Variants in ITM2B observed in about 807,000 individuals in gnomAD.
ITM2B encodes the protein integral membrane protein 2B.
In ITM2B, 11 loss-of-function variants were observed where a neutral mutation model predicts 27.8. The observed-to-expected ratio is 0.40, with a 90% CI of 0.25 to 0.66. ITM2B has a LOEUF of 0.66. ITM2B is among the 30% of genes least tolerant of loss of function. ITM2B has a pLI of 0.43. For missense variants in ITM2B, 296 were observed against 328.9 expected, an observed-to-expected ratio of 0.90 and a Z score of 0.77; for synonymous variants, 114 against 114.3, an observed-to-expected ratio of 1.00 and a Z score of 0.02.
rs1161260692 is a variant in ITM2B, at chr13:48,262,298, A to G, written c.*1074A>G. The G allele has an allele frequency of 6.6e-6, 1 of 152,152 alleles. No homozygotes were observed. Among genetic ancestry groups the G allele is most frequent in the Non-Finnish European group, 1.5e-5 (1 of 68,018 alleles). 9.4% of individuals were successfully genotyped at this position (152,152 alleles called of 1,614,324 possible). On this transcript the variant is annotated 3_prime_UTR_variant, in exon 6 of 6. Coordinates refer to ENST00000647800, the MANE Select transcript of ITM2B (RefSeq NM_021999.5). Reference sequence around the variant, plus strand: ...AATTCAGAATCCACCCCCATTTAATAAAATACCTATGATTCATTTCACCTC... The same window carrying G: ...AATTCAGAATCCACCCCCATTTAATGAAATACCTATGATTCATTTCACCTC...
Position 48,268,309 on chromosome 13 carries a change from T to A in ITM2B, c.*7085T>A, listed in dbSNP as rs533343010. ...GTGCTTTTTAAATTTATTTTTTATT[T>A]TTTTTTTTTTGAGACAGAGTCTGGC... On this transcript the variant is annotated 3_prime_UTR_variant, in exon 6 of 6. Transcript: ENST00000647800. 2.0e-5 allele frequency: 3 copies of A among 151,518 alleles called. No homozygotes were observed. The highest frequency in any genetic ancestry group is 4.4e-5 in the Non-Finnish European group (3 of 67,846). The allele number at this position is 151,518 out of a possible 1,614,324, so 9.4% of individuals were successfully genotyped here.
At position 48,258,844 on chromosome 13, in the gene ITM2B, T is replaced by G. The variant is rs1310779909; in HGVS notation, c.612T>G (p.Val204=). 1 of 1,613,790 alleles carries G rather than the reference T, an allele frequency of 6.2e-7. No homozygotes were observed. Among genetic ancestry groups the G allele is most frequent in the Non-Finnish European group, 8.5e-7 (1 of 1,179,678 alleles). ...PQSYLIHEHM[V]ITDRIENIDH... is the part of the protein sequence containing the mutation. ...CCTATCTGATTCATGAGCACATGGT[T>G]ATTACTGATCGCATTGAAAACATTG... The change falls in exon 5 of 6, where the codon GTT becomes GTG. Residue 204 remains valine, a synonymous_variant. Transcript: ENST00000647800.
intron 1 of ITM2B, among the ~76,000 whole-genome samples, chr13:48,244,827 T>A (rs1951716161): frequency 6.6e-6 from 1 of 152,208 alleles, no homozygotes; most frequent in Non-Finnish European, 1.5e-5. Context: ...GGTAACAATG[T>A]GGAGTTTCAT....
intron 1 of ITM2B, among the ~76,000 whole-genome samples, chr13:48,243,399 A>C (rs956450057): frequency 1.3e-5 from 2 of 152,206 alleles, no homozygotes; most frequent in Admixed American, 6.5e-5. Flanking sequence ...ATCCTTTGTA[A>C]TTTGTTGAAC....
intron 1 of ITM2B, among the ~76,000 whole-genome samples, chr13:48,252,592 C>T (rs1951761569): frequency 1.3e-5 from 2 of 152,208 alleles, no homozygotes; most frequent in Non-Finnish European, 2.9e-5. Context: ...AAATTGTCTT[C>T]CACAAAACTG....
At chr13:48,246,920 C>T (rs1378754366) in intron 1 of ITM2B, among the ~76,000 whole-genome samples, 1 of 152,214 alleles carries the variant, frequency 6.6e-6, no homozygotes, top group Non-Finnish European at 1.5e-5. Flanking sequence ...CCTCCGCCTC[C>T]TGGGTTCAAG....
intron 4 of ITM2B, 101 bp downstream of exon 4, chr13:48,258,337 T>C: frequency 1.3e-6 from 1 of 750,526 alleles, no homozygotes; most frequent in East Asian, 2.5e-5. Context: ...TATCAGACTG[T>C]AGTTAAGAAT....
At chr13:48,251,988 A>G (rs965788729) in intron 1 of ITM2B, among the ~76,000 whole-genome samples, 1 of 152,204 alleles carries the variant, frequency 6.6e-6, no homozygotes, top group African/African-American at 2.4e-5. Flanking sequence ...CTCATTACAT[A>G]CTTTTCTTCC....
chr13:48,234,882 CA>C (rs1299624021), intron 1 of ITM2B, among the ~76,000 whole-genome samples: 1 of 152,148 alleles, frequency 6.6e-6, no homozygotes, highest in Non-Finnish European at 1.5e-5. Flanking sequence ...TTGGAATGCA[CA>C]GATGAAAATT....
At chr13:48,258,008 A>G in intron 3 of ITM2B, 118 bp from the exon 4 acceptor site, 1 of 651,644 alleles carries the variant, frequency 1.5e-6, no homozygotes. Flanking sequence ...TTGAAATGCA[A>G]GTGATTTATA....
chr13:48,253,326 T>A (rs1951765062), intron 1 of ITM2B, among the ~76,000 whole-genome samples: 1 of 152,208 alleles, frequency 6.6e-6, no homozygotes. Context: ...TGGTTTAGAA[T>A]AGTTTTATAC....
chr13:48,241,992 T>C (rs75043563), intron 1 of ITM2B, among the ~76,000 whole-genome samples: 3,111 of 152,312 alleles, frequency 0.02, 98 homozygotes, highest in African/African-American at 0.067. Flanking sequence ...TACTGCTGTT[T>C]CATGGTTTGT....
intron 3 of ITM2B, 109 bp from the exon 4 acceptor site, chr13:48,258,017 T>C: frequency 2.9e-6 from 2 of 690,638 alleles, no homozygotes; most frequent in Non-Finnish European, 2.7e-6. Context: ...AAGTGATTTA[T>C]ACATTCTAAA....
rs762835471 is a variant in ITM2B, at chr13:48,253,816, T to A, written c.126T>A (p.Asp42Glu). The A allele has an allele frequency of 6.2e-7, 1 of 1,613,790 alleles. No homozygotes were observed. The highest frequency in any genetic ancestry group is 8.5e-7 in the Non-Finnish European group (1 of 1,179,794). Residue 42 changes from aspartate to glutamate, a missense_variant, in exon 2 of 6, where the codon GAT becomes GAA. Physicochemically the swap from Asp to Glu is conservative, Grantham distance 45. Coordinates refer to ENST00000647800, the MANE Select transcript of ITM2B (RefSeq NM_021999.5). Reference protein sequence around the residue: ...DAVAVDCKDPDDVVPVGQRRA... With the variant: ...DAVAVDCKDPEDVVPVGQRRA... ...TCTTTTTCATATTTTAGGACCCAGA[T>A]GATGTGGTACCAGTTGGCCAAAGAA...
At position 48,233,439 on chromosome 13, in the gene ITM2B, C is replaced by T; in HGVS notation, c.79C>T (p.Leu27Phe). The T allele has an allele frequency of 6.5e-7, 1 of 1,541,986 alleles. No homozygotes were observed. The highest frequency in any genetic ancestry group is 8.7e-7 in the Non-Finnish European group (1 of 1,146,010). The change falls in exon 1 of 6, where the codon CTC becomes TTC. Residue 27 changes from leucine to phenylalanine, a missense_variant. Transcript: ENST00000647800. ...CGAGCCCAAGAGCGGCGAGGAGGCG[C>T]TCATCATCCCCCCCGACGCCGTCGC... ...KDEPKSGEEA[L>F]IIPPDAVAVD...
chr13:48,235,360 C>T (rs952098190), intron 1 of ITM2B, among the ~76,000 whole-genome samples: 1 of 152,160 alleles, frequency 6.6e-6, no homozygotes, highest in South Asian at 2.1e-4. Flanking sequence ...TCAGATCCTC[C>T]ATATCCAAAG....
intron 1 of ITM2B, among the ~76,000 whole-genome samples, chr13:48,249,301 C>G (rs1951739928): frequency 1.3e-5 from 2 of 152,108 alleles, no homozygotes; most frequent in African/African-American, 4.8e-5. Context: ...GAGATTCAGT[C>G]CCGCTGGTGT....
At chr13:48,235,046 C>T (rs1951659756) in intron 1 of ITM2B, among the ~76,000 whole-genome samples, 1 of 151,768 alleles carries the variant, frequency 6.6e-6, no homozygotes. Context: ...ATTTAAAAAT[C>T]CTATTAACAA....
chr13:48,240,246 C>T (rs1219827599), intron 1 of ITM2B, among the ~76,000 whole-genome samples: 1 of 152,170 alleles, frequency 6.6e-6, no homozygotes, highest in Non-Finnish European at 1.5e-5. Flanking sequence ...TGCCCTGTCA[C>T]CCAGGCAGGA....
Sources: allele counts gnomAD v4.1 joint callset (sites outside exome capture counted in the v4.1 genomes callset), GRCh38; gene constraint gnomAD v4.1.1; transcripts MANE v1.5; gene names NCBI Gene and HGNC (gene_info 2026-07-23, HGNC 2026-07-21).